Variants in CYTH3 observed in about 807,000 individuals in gnomAD.
CYTH3 encodes cytohesin-3.
A neutral mutation model predicts 55.1 loss-of-function variants in CYTH3; 23 were observed. That is an observed-to-expected ratio of 0.42 (90% CI 0.30 to 0.59). The LOEUF (loss-of-function observed/expected upper bound fraction) is 0.59. CYTH3 is among the 20% of genes least tolerant of loss of function. CYTH3 has a pLI of 0.20. For missense variants in CYTH3, 413 were observed against 524.8 expected (o/e 0.79, Z 2.08); for synonymous variants, 249 against 194.9 (o/e 1.28, Z -2.31).
At chr7:6,185,317 G>C (rs902605057) in intron 4 of CYTH3, among the ~76,000 whole-genome samples, 5 of 151,444 alleles carry the variant, frequency 3.3e-5, no homozygotes, top group African/African-American at 4.9e-5. Context: ...TGGCGCAGTG[G>C]CTCATGCCTG....
intron 5 of CYTH3, among the ~76,000 whole-genome samples, chr7:6,177,270 G>T (rs192965831): frequency 6.6e-6 from 1 of 152,192 alleles, no homozygotes; most frequent in African/African-American, 2.4e-5. Context: ...GGAACTACTG[G>T]GCTTTTGTTT....
At chr7:6,199,591 T>C (rs1046637837) in intron 1 of CYTH3, among the ~76,000 whole-genome samples, 4 of 152,066 alleles carry the variant, frequency 2.6e-5, no homozygotes, top group African/African-American at 9.7e-5. Context: ...ATATAAAAAC[T>C]TAAACTAATT....
intron 2 of CYTH3, among the ~76,000 whole-genome samples, chr7:6,188,482 G>C (rs1255794910): frequency 2.0e-5 from 3 of 152,190 alleles, no homozygotes; most frequent in African/African-American, 7.2e-5. Flanking sequence ...TTCCCAGGGA[G>C]AAGCTGAGGC....
chr7:6,259,806 TATATATAATATATATATATATATATA>T (rs1183505897), intron 1 of CYTH3, among the ~76,000 whole-genome samples: 403 of 30,086 alleles, frequency 0.013, 4 homozygotes, highest in Middle Eastern at 0.018. Flanking sequence ...TATATATATA[TATATATAATATATATATATATATATA>T]TTTTTTTTTT....
intron 1 of CYTH3, among the ~76,000 whole-genome samples, chr7:6,231,134 T>C (rs547384580): frequency 6.6e-6 from 1 of 152,364 alleles, no homozygotes; most frequent in Admixed American, 6.5e-5. Context: ...TCCAGACAAC[T>C]GTCTGCAGTC....
chr7:6,231,492 A>G lies in CYTH3; in HGVS notation c.35-40961T>C, dbSNP rs180776058. Reference sequence around the variant, plus strand: ...TGTCTCCCAGGCAGCCTCACCCAGCAGTGCTCATCTCCAGGACTGCTTTAC... The same window carrying G: ...TGTCTCCCAGGCAGCCTCACCCAGCGGTGCTCATCTCCAGGACTGCTTTAC... On this transcript the variant is annotated intron_variant, in intron 1 of 12. Transcript: ENST00000350796. 2.4e-3 allele frequency among the ~76,000 whole-genome samples: 360 copies of G among 152,320 alleles called. 2 individuals carry two copies. The highest frequency in any genetic ancestry group is 2.6e-3 in the Non-Finnish European group (180 of 68,030).
intron 1 of CYTH3, among the ~76,000 whole-genome samples, chr7:6,223,138 C>A (rs571167209): frequency 6.6e-6 from 1 of 152,140 alleles, no homozygotes. Flanking sequence ...AGGCGAGGAG[C>A]GCCTCTGCCC....
At chr7:6,175,036 G>A (rs1382615694) in intron 5 of CYTH3, among the ~76,000 whole-genome samples, 3 of 152,142 alleles carry the variant, frequency 2.0e-5, no homozygotes, top group Non-Finnish European at 4.4e-5. Context: ...AGATTACAAG[G>A]ACTGAATCAG....
chr7:6,207,350 TC>T (rs1784217182), intron 1 of CYTH3, among the ~76,000 whole-genome samples: 1 of 152,124 alleles, frequency 6.6e-6, no homozygotes, highest in African/African-American at 2.4e-5. Flanking sequence ...TGCCTCAGCC[TC>T]CCAAAGTGCT....
intron 1 of CYTH3, among the ~76,000 whole-genome samples, chr7:6,255,450 G>C (rs1780072956): frequency 6.6e-6 from 1 of 152,172 alleles, no homozygotes; most frequent in South Asian, 2.1e-4. Context: ...GGAAAAGAGG[G>C]CCTCTCCAAT....
At chr7:6,175,575 T>A (rs1027406314) in intron 5 of CYTH3, among the ~76,000 whole-genome samples, 2 of 126,672 alleles carry the variant, frequency 1.6e-5, no homozygotes, top group Non-Finnish European at 3.1e-5. Flanking sequence ...TTTGAGAGAG[T>A]CTCACTCTGT....
chr7:6,233,865 C>T (rs1443955258), intron 1 of CYTH3, among the ~76,000 whole-genome samples: 3 of 151,920 alleles, frequency 2.0e-5, no homozygotes, highest in Non-Finnish European at 1.5e-5. Context: ...GATCCAGGTG[C>T]CGGCGGATTC....
In CYTH3 at chr7:6,170,845, A is replaced by C; in HGVS notation, c.696T>G (p.Pro232=). ...NRGINEGGDL[P]EELLRNLYES... ...GGGAGCTCACCCTCAGCAGCTCCTC[A>C]GGGAGGTCCCCGCCCTCGTTGATGC... The change falls in exon 8 of 13, where the codon CCT becomes CCG. Residue 232 remains proline (P), a synonymous_variant. Coordinates refer to ENST00000350796, the MANE Select transcript of CYTH3 (RefSeq NM_004227.4). This position sits in a 1 kb window ranked among gnomAD's most constrained non-coding sequence, Gnocchi z 7.8. 6.2e-7 allele frequency: 1 copy of C among 1,612,394 alleles called. No homozygotes were observed. Among genetic ancestry groups the C allele is most frequent in the South Asian group, 1.1e-5 (1 of 90,920 alleles).
At chr7:6,173,488 C>A (rs1783255251) in intron 6 of CYTH3, among the ~76,000 whole-genome samples, 165 bp downstream of exon 6, 1 of 152,192 alleles carries the variant, frequency 6.6e-6, no homozygotes, top group Admixed American at 6.5e-5. Flanking sequence ...TCTAGGGCTG[C>A]TCAGTGTCAC....
At chr7:6,212,473 T>C (rs1217784194) in intron 1 of CYTH3, among the ~76,000 whole-genome samples, 2 of 152,182 alleles carry the variant, frequency 1.3e-5, no homozygotes, top group African/African-American at 2.4e-5. Flanking sequence ...TTTGTCTCTA[T>C]GAATTCAACT....
At chr7:6,264,298 C>T (rs889855164) in intron 1 of CYTH3, among the ~76,000 whole-genome samples, 2 of 151,954 alleles carry the variant, frequency 1.3e-5, no homozygotes, top group Admixed American at 6.6e-5. Context: ...CAGAGGCACA[C>T]GCACATCTGT....
At chr7:6,210,164 T>A (rs929058822) in intron 1 of CYTH3, among the ~76,000 whole-genome samples, 13 of 152,330 alleles carry the variant, frequency 8.5e-5, no homozygotes, top group African/African-American at 3.1e-4. Context: ...ACCACACTAA[T>A]GTAAGATGTT....
intron 1 of CYTH3, among the ~76,000 whole-genome samples, chr7:6,221,463 T>C (rs746432670): frequency 5.9e-5 from 9 of 152,132 alleles, no homozygotes; most frequent in Non-Finnish European, 1.2e-4. Context: ...CCTGATAACT[T>C]TGTGGTGATG....
chr7:6,259,803 A>ATAT (rs1780287095), intron 1 of CYTH3, among the ~76,000 whole-genome samples: 1 of 24,260 alleles, frequency 4.1e-5, no homozygotes, highest in Non-Finnish European at 5.8e-5. Context: ...ATATATATAT[A>ATAT]TATATATATA....
Sources: gnomAD v4.1 joint callset for allele counts (sites outside exome capture counted in the v4.1 genomes callset) on GRCh38, gnomAD v4.1.1 for gene constraint, Gnocchi (gnomAD v3.1) non-coding constraint, MANE v1.5 for transcripts, NCBI Gene and HGNC (gene_info 2026-07-23, HGNC 2026-07-21) for gene names.